The following EYS variants were observed in gnomAD, a reference collection of about 807,000 sequenced individuals.
The protein encoded by EYS is EGF-like photoreceptor maintenance factor.
EYS carries 250 observed loss-of-function variants against 282.1 expected under a neutral mutation model. That is an observed-to-expected ratio of 0.89 (90% confidence interval 0.80 to 0.98). EYS has a LOEUF of 0.98. Ranked by LOEUF, EYS falls within the 50% of genes least tolerant of loss-of-function variation. EYS has a pLI of 0.00. For synonymous variants in EYS, 1,355 were observed against 1,282.9 expected, an observed-to-expected ratio of 1.06 and a Z score of -1.20; for missense variants, 4,016 against 3,709.0, an observed-to-expected ratio of 1.08 and a Z score of -2.15.
intron 10 of EYS, among the ~76,000 whole-genome samples, chr6:65,342,532 A>G (rs1009770627): frequency 6.6e-6 from 1 of 150,588 alleles, no homozygotes; most frequent in African/African-American, 2.4e-5. Context: ...ATGCCTGAAC[A>G]ATTAATCAAA....
intron 33 of EYS, among the ~76,000 whole-genome samples, chr6:64,027,555 C>T (rs570897041): frequency 6.6e-5 from 10 of 152,232 alleles, no homozygotes; most frequent in Admixed American, 5.2e-4. Flanking sequence ...AGAGAAAGTC[C>T]GCAGCCTTAG....
chr6:64,944,486 T>C (rs1025484337), intron 15 of EYS, among the ~76,000 whole-genome samples: 6 of 151,996 alleles, frequency 3.9e-5, no homozygotes, highest in African/African-American at 1.2e-4. Flanking sequence ...GTCTGAAATA[T>C]AGTCTGAAAC....
intron 12 of EYS, among the ~76,000 whole-genome samples, chr6:65,245,295 T>A (rs1767151646): frequency 6.6e-6 from 1 of 152,176 alleles, no homozygotes; most frequent in African/African-American, 2.4e-5. Context: ...ATGGGAGGGA[T>A]ACATCAAGTA....
intron 30 of EYS, among the ~76,000 whole-genome samples, chr6:64,300,040 G>T (rs975182512): frequency 1.3e-5 from 2 of 152,110 alleles, no homozygotes; most frequent in East Asian, 3.8e-4. Context: ...AAAAGACAAG[G>T]GATACCCTAG....
chr6:64,573,195 T>C (rs1010056925), intron 26 of EYS, among the ~76,000 whole-genome samples: 1 of 152,182 alleles, frequency 6.6e-6, no homozygotes, highest in Non-Finnish European at 1.5e-5. Context: ...ATTTAATAAA[T>C]GGTATTGGGA....
chr6:63,798,963 G>GTATATATATATATA (rs1231377496), intron 37 of EYS, among the ~76,000 whole-genome samples: 1 of 110,910 alleles, frequency 9.0e-6, no homozygotes, highest in Non-Finnish European at 1.8e-5. Context: ...ATGTATATGT[G>GTATATATATATATA]TATATATATA....
At chr6:64,333,821 T>A (rs1275773187) in intron 29 of EYS, among the ~76,000 whole-genome samples, 3 of 152,210 alleles carry the variant, frequency 2.0e-5, no homozygotes, top group Non-Finnish European at 2.9e-5. Context: ...AAAATGTGTT[T>A]ACCCAGCTAG....
chr6:65,584,601 T>A (rs1289833953), intron 2 of EYS, among the ~76,000 whole-genome samples: 3 of 151,976 alleles, frequency 2.0e-5, no homozygotes, highest in Non-Finnish European at 4.4e-5. Context: ...TAAAATACCT[T>A]CAAACGAATC....
At chr6:64,527,776 T>C (rs897501314) in intron 26 of EYS, among the ~76,000 whole-genome samples, 2 of 151,736 alleles carry the variant, frequency 1.3e-5, no homozygotes, top group African/African-American at 4.8e-5. Context: ...AAACCCAAAG[T>C]ATATGTTTTT....
intron 12 of EYS, among the ~76,000 whole-genome samples, chr6:65,237,129 C>T (rs1766947461): frequency 6.6e-6 from 1 of 152,050 alleles, no homozygotes; most frequent in Non-Finnish European, 1.5e-5. Flanking sequence ...CTGGGTAATA[C>T]ATCTACATTT....
rs1303590635 is a variant in EYS, at chr6:64,866,535, C to T, written c.2992+20162G>A. ...ATTTAAAGCAATAGAATTTTTCTGC[C>T]TGTATTGAAGGAACATTAAATGTGC... is the stretch of plus-strand genomic sequence containing the variant. On this transcript the variant is annotated intron_variant, in intron 19 of 42. Transcript: ENST00000503581. 2.0e-5 allele frequency among the ~76,000 whole-genome samples: 3 copies of T among 151,676 alleles called. No homozygotes were observed. The East Asian group carries it at 5.8e-4, about 29-fold the overall frequency.
At chr6:65,101,229 G>A (rs1774884477) in intron 12 of EYS, among the ~76,000 whole-genome samples, 1 of 151,070 alleles carries the variant, frequency 6.6e-6, no homozygotes, top group Non-Finnish European at 1.5e-5. Context: ...TGAAGGCTGA[G>A]GAACGAGGCA....
intron 34 of EYS, among the ~76,000 whole-genome samples, chr6:63,994,555 C>T (rs1043336338): frequency 3.3e-5 from 5 of 151,756 alleles, no homozygotes; most frequent in African/African-American, 9.7e-5. Context: ...CTTCTACTGA[C>T]CATTATATTG....
intron 29 of EYS, among the ~76,000 whole-genome samples, chr6:64,340,859 A>ATAGATTTAACAATCTATCAATAATCAAT (rs1307487851): frequency 6.6e-6 from 1 of 151,828 alleles, no homozygotes; most frequent in African/African-American, 2.4e-5. Flanking sequence ...TAACTTAAAG[A>ATAGATTTAACAATCTATCAATAATCAAT]AATCAACAAG....
rs1241862456 is a variant in EYS, at chr6:65,058,431, A to G, written c.2024-704T>C. Among the ~76,000 whole-genome samples the G allele has an allele frequency of 2.6e-5, 4 of 151,514 alleles. No homozygotes were observed. The Admixed American group carries it at 2.6e-4, about 10-fold the overall frequency. ...CTCCCAAAGCGCAGGAATTACAGAC[A>G]TGGGCCACTGAGCCTGGCCCTAAAT... On this transcript the variant is annotated intron_variant, in intron 12 of 42. Coordinates refer to ENST00000503581, the MANE Select transcript of EYS (RefSeq NM_001142800.2).
In EYS at chr6:65,199,142, G is replaced by T. The variant is rs533567141; in HGVS notation, c.2023+96721C>A. ...AGGAGCATCTGAGATCTACCCCAAT[G>T]AGATGCTTTCATGTTACTGCTGTTA... On this transcript the variant is annotated intron_variant, in intron 12 of 42. Transcript: ENST00000503581. 2.0e-5 allele frequency among the ~76,000 whole-genome samples: 3 copies of T among 152,234 alleles called. No homozygotes were observed. In the East Asian group the frequency reaches 5.8e-4, roughly 29 times the overall value.
In EYS at chr6:64,085,336, G is replaced by GCACACACACACA. The variant is rs1304096306; in HGVS notation, c.6425-3335_6425-3334insTGTGTGTGTGTG. On this transcript the variant is annotated intron_variant, in intron 31 of 42. Coordinates refer to ENST00000503581, the MANE Select transcript of EYS (RefSeq NM_001142800.2). ...CAGACGCGCGCGCGTGCGCACGTGC[G>GCACACACACACA]CGCGCACACACACACACACACACAC... Among the ~76,000 whole-genome samples the GCACACACACACA allele has an allele frequency of 9.1e-5, 7 of 76,692 alleles. No individual in the cohort carries two copies. In the East Asian group the frequency reaches 1.9e-3, roughly 21 times the overall value. 50.3% of individuals were successfully genotyped at this position (76,692 alleles called of 152,430 possible).
intron 8 of EYS, among the ~76,000 whole-genome samples, chr6:65,379,157 C>T (rs1192274092): frequency 6.6e-6 from 1 of 151,948 alleles, no homozygotes; most frequent in Non-Finnish European, 1.5e-5. Context: ...GGAAGAGACA[C>T]AATGAGAAAA....
At chr6:64,285,304 AC>A (rs1169923015) in intron 30 of EYS, among the ~76,000 whole-genome samples, 1 of 151,992 alleles carries the variant, frequency 6.6e-6, no homozygotes. Context: ...TCCACCAGAT[AC>A]CCTAAATCAT....
Sources: allele counts gnomAD v4.1 joint callset (sites outside exome capture counted in the v4.1 genomes callset), GRCh38; gene constraint gnomAD v4.1.1; transcripts MANE v1.5; gene names NCBI Gene and HGNC (gene_info 2026-07-23, HGNC 2026-07-21).